OPLAH: variants seen among roughly 807,000 people sequenced by gnomAD.
OPLAH encodes 5-oxoprolinase, ATP-hydrolysing.
In OPLAH, 103 loss-of-function variants were observed where a neutral mutation model predicts 122.8. That is an observed-to-expected ratio of 0.84 (90% CI 0.71 to 0.99). OPLAH has a LOEUF of 0.99. OPLAH is among the 50% of genes least tolerant of loss of function. OPLAH has a pLI of 0.00. For missense variants in OPLAH, 1,902 were observed against 1,836.5 expected, an observed-to-expected ratio of 1.04 and a Z score of -0.65; for synonymous variants, 875 against 796.0, an observed-to-expected ratio of 1.10 and a Z score of -1.67.
chr8:144,051,086 C>A, downstream of OPLAH: 1 of 1,360,524 alleles, frequency 7.4e-7, no homozygotes, highest in Non-Finnish European at 9.4e-7. Context: ...GGCACTGGGA[C>A]GACCCTCAAC....
Position 144,057,012 on chromosome 8 carries a change from C to T in OPLAH, c.1642G>A (p.Asp548Asn). The T allele has an allele frequency of 6.3e-7, 1 of 1,594,604 alleles. No individual in the cohort carries two copies. The highest frequency in any genetic ancestry group is 8.5e-7 in the Non-Finnish European group (1 of 1,171,998). ...LYAPETFVQL[D>N]QRLSRLEEQC... ...TCCTCCAGGCGGCTCAGCCTCTGGT[C>T]CAGCTGCACGAAGGTCTCAGGCGCG... Residue 548 changes from aspartate to asparagine, a missense_variant, in exon 12 of 27, where the codon GAC (aspartate) becomes AAC (asparagine). Around this residue, in one of 3 missense-constraint regions of OPLAH, gnomAD observed 1,726 missense variants for 1,642.1 expected, o/e 1.05. Coordinates refer to ENST00000618853, the MANE Select transcript of OPLAH (RefSeq NM_017570.5).
chr8:144,054,895 C>G lies in OPLAH; in HGVS notation c.2428G>C (p.Asp810His), dbSNP rs1288181246. 6.2e-7 allele frequency: 1 copy of G among 1,606,854 alleles called. No homozygotes were observed. Among genetic ancestry groups the G allele is most frequent in the Non-Finnish European group, 8.5e-7 (1 of 1,177,056 alleles). The change falls in exon 18 of 27, where the codon GAT (aspartate) becomes CAT (histidine). Residue 810 changes from aspartate to histidine, a missense_variant. Physicochemically the swap from Asp to His is moderately conservative, Grantham distance 81 (BLOSUM62 -1). Transcript: ENST00000618853. ...VQFQIQHLGA[D>H]LHPGDVLLSN... ...AGTAGCACGTCGCCAGGGTGGAGATCGGCCCCCAGGTGCTGAATCTGAAAC... is the reference window on the plus strand; with the variant it reads ...AGTAGCACGTCGCCAGGGTGGAGATGGGCCCCCAGGTGCTGAATCTGAAAC...
Position 144,053,278 on chromosome 8 carries a change from G to T in OPLAH, c.2802C>A (p.Ile934=). Residue 934 remains isoleucine (I), a synonymous_variant, in exon 20 of 27, where the codon ATC becomes ATA. Transcript: ENST00000618853. ...GCCCAATGAGCTCCCCCACCAGCTGGATGCCCTTCTGGTTGGCTGCCACCT... is the reference window on the plus strand; with the variant it reads ...GCCCAATGAGCTCCCCCACCAGCTGTATGCCCTTCTGGTTGGCTGCCACCT... ...RAQVAANQKG[I]QLVGELIGQY... 1 of 1,613,076 alleles carries T rather than the reference G, an allele frequency of 6.2e-7. No homozygotes were observed. Among genetic ancestry groups the T allele is most frequent in the Non-Finnish European group, 8.5e-7 (1 of 1,179,826 alleles).
At chr8:144,062,893 A>G (rs1034569197), upstream of OPLAH, among the ~76,000 whole-genome samples, 12 of 141,010 alleles carry the variant, frequency 8.5e-5, no homozygotes, top group African/African-American at 3.2e-4. Flanking sequence ...CACCTCCCCC[A>G]CCTCCGCCTG....
rs781981293 is a variant in OPLAH at position 144,056,535 on chromosome 8, G to A, written c.1845-12C>T. The stretch of plus-strand genomic sequence containing the variant: ...ACTCCCTCATGTACCTGCACTCCCC[G>A]CGGGGACCCAAGGAGTGGTCAGAGT... On this transcript the variant is annotated splice_polypyrimidine_tract_variant and intron_variant, in intron 13 of 26. Coordinates refer to ENST00000618853, the MANE Select transcript of OPLAH (RefSeq NM_017570.5). 1.4e-5 allele frequency: 23 copies of A among 1,612,058 alleles called. No homozygotes were observed. Among genetic ancestry groups the A allele is most frequent in the South Asian group, 3.3e-5 (3 of 91,030 alleles).
At chr8:144,062,121 C>T (rs575068935), upstream of OPLAH, among the ~76,000 whole-genome samples, 2 of 152,088 alleles carry the variant, frequency 1.3e-5, no homozygotes, top group Non-Finnish European at 1.5e-5. Flanking sequence ...CGTGCTTTCA[C>T]TTTAGGCACT....
At chr8:144,052,709 G>A in intron 22 of OPLAH, 57 bp downstream of exon 22, 1 of 1,544,308 alleles carries the variant, frequency 6.5e-7, no homozygotes, top group Non-Finnish European at 8.7e-7. Flanking sequence ...GGCCCAGGAG[G>A]CGCACTCAGG....
At chr8:144,050,345 A>G, downstream of OPLAH, 1 of 965,704 alleles carries the variant, frequency 1.0e-6, no homozygotes, top group Non-Finnish European at 1.2e-6. Context: ...CCGCTGCTGG[A>G]CTGGGCCGAG....
In OPLAH at chr8:144,055,892, CCT is replaced by C. The variant is rs781791917; in HGVS notation, c.2142_2143del (p.Asp716HisfsTer34). 31 of 1,587,390 alleles carry C rather than the reference CCT, an allele frequency of 2.0e-5. 1 individual carries two copies. Among genetic ancestry groups the C allele is most frequent in the South Asian group, 5.7e-5 (5 of 87,152 alleles). ...GGCCCCCACGGAGATGCAGATGTCC[CCT>C]GTCTTGGTCACCTCTGCCTGGCAAC... On this transcript the variant is annotated frameshift_variant, in exon 16 of 27. Transcript: ENST00000618853. LOFTEE classifies it high-confidence loss of function. This position sits in a 1 kb window ranked among gnomAD's most constrained non-coding sequence, Gnocchi z 6.5.
In OPLAH at chr8:144,058,685, G is replaced by T; in HGVS notation, c.594C>A (p.Ala198=). Residue 198 remains alanine, a synonymous_variant, in exon 6 of 27, where the codon GCC becomes GCA. Coordinates refer to ENST00000618853, the MANE Select transcript of OPLAH (RefSeq NM_017570.5). ...AVVLMHSYTW[A]QHEQQVGVLA... is the part of the protein sequence containing the mutation. ...GCACACCCACCTGCTGCTCATGCTG[G>T]GCCCACCTATGACAAAAACCCAGTG... 6.3e-7 allele frequency: 1 copy of T among 1,588,450 alleles called. No individual in the cohort carries two copies. The highest frequency in any genetic ancestry group is 8.6e-7 in the Non-Finnish European group (1 of 1,168,478).
Position 144,055,957 on chromosome 8 carries a change from C to T in OPLAH, c.2097-18G>A. The T allele has an allele frequency of 1.3e-6, 2 of 1,551,230 alleles. No homozygotes were observed. Among genetic ancestry groups the T allele is most frequent in the Non-Finnish European group, 1.7e-6 (2 of 1,145,220 alleles). ...GGATGGTGCTGGGGAGCAGAGGGCACAGAGGGCTGCATGGGGCCAGGCGAC... is the reference window on the plus strand; with the variant it reads ...GGATGGTGCTGGGGAGCAGAGGGCATAGAGGGCTGCATGGGGCCAGGCGAC... On this transcript the variant is annotated intron_variant, in intron 15 of 26. Coordinates refer to ENST00000618853, the MANE Select transcript of OPLAH (RefSeq NM_017570.5). This position sits in a 1 kb window ranked among gnomAD's most constrained non-coding sequence, Gnocchi z 6.5.
At position 144,054,737 on chromosome 8, in the gene OPLAH, T is replaced by G; in HGVS notation, c.2512-2A>C. 6.2e-7 allele frequency: 1 copy of G among 1,611,944 alleles called. No homozygotes were observed. Among genetic ancestry groups the G allele is most frequent in the Non-Finnish European group, 8.5e-7 (1 of 1,179,750 alleles). On this transcript the variant is annotated splice_acceptor_variant, in intron 18 of 26. Coordinates refer to ENST00000618853, the MANE Select transcript of OPLAH (RefSeq NM_017570.5). LOFTEE classifies it high-confidence loss of function. ...CCGCGTCTGACCCGGCCAAAACACC[T>G]AGCGGGTGGAGAGCCACGGTCAGCT... is the stretch of plus-strand genomic sequence containing the variant.
At position 144,054,894 on chromosome 8, in the gene OPLAH, T is replaced by A. The variant is rs781932257; in HGVS notation, c.2429A>T (p.Asp810Val). ...CAGTAGCACGTCGCCAGGGTGGAGA[T>A]CGGCCCCCAGGTGCTGAATCTGAAA... ...VQFQIQHLGA[D>V]LHPGDVLLSN... The change falls in exon 18 of 27, where the codon GAT becomes GTT. Residue 810 changes from aspartate to valine, a missense_variant. By Grantham distance (152) the Asp-to-Val change is radical (BLOSUM62 -3). This residue lies in a region of OPLAH where 1,726 missense variants were observed against 1,642.1 expected (regional missense o/e 1.05). Transcript: ENST00000618853. The A allele has an allele frequency of 5.6e-6, 9 of 1,599,890 alleles. No individual in the cohort carries two copies. In the Admixed American group the frequency reaches 1.5e-4, roughly 27 times the overall value.
Position 144,055,137 on chromosome 8 carries a change from C to T in OPLAH, c.2301G>A (p.Glu767=), listed in dbSNP as rs1554758683. 1.9e-6 allele frequency: 3 copies of T among 1,583,202 alleles called. No individual in the cohort carries two copies. The East Asian group carries it at 6.7e-5, about 35-fold the overall frequency. The change falls in exon 17 of 27, where the codon GAG becomes GAA. Residue 767 remains glutamate (E), a synonymous_variant. Coordinates refer to ENST00000618853, the MANE Select transcript of OPLAH (RefSeq NM_017570.5). This position sits in a 1 kb window ranked among gnomAD's most constrained non-coding sequence, Gnocchi z 6.5. ...QRTAISTNIK[E]RLDFSCALFG... ...AGAGGGCACAGGAGAAGTCCAGACG[C>T]TCCTTGATGTTGGTGGAGATGGCTG...
chr8:144,055,791 C>A lies in OPLAH; in HGVS notation c.2245G>T (p.Ala749Ser). ...GAGCCTGGCAGCGGCCACTCACCAG[C>A]AATGCTCATGAAGCGGTGTGAGAAG... ...SIFSHRFMSI[A>S]EQMGRILQRT... Residue 749 changes from alanine (A) to serine (S), a missense_variant, in exon 16 of 27, where the codon GCT becomes TCT. Ala to Ser is a moderately conservative substitution (Grantham distance 99). Transcript: ENST00000618853. The surrounding 1 kb of genome is among the most constrained non-coding windows in gnomAD (Gnocchi z 6.5). 6.5e-7 allele frequency: 1 copy of A among 1,529,616 alleles called. No individual in the cohort carries two copies. Among genetic ancestry groups the A allele is most frequent in the Non-Finnish European group, 8.8e-7 (1 of 1,134,634 alleles). The allele number at this position is 1,529,616 out of a possible 1,614,324, so 94.8% of individuals were successfully genotyped here. A position where few individuals can be genotyped will look rare whatever the true frequency, so the allele number is the denominator to read the frequency against.
rs782073859 is a variant in OPLAH at position 144,051,374 on chromosome 8, G to C, written c.3819C>G (p.Pro1273=). The change falls in exon 27 of 27, where the codon CCC becomes CCG. Residue 1273 remains proline (P), a synonymous_variant. Transcript: ENST00000618853. ...PGSPPQALAF[P]EHGSVYEYRR... is the part of the protein sequence containing the mutation. ...GATACTCATAGACGCTGCCGTGCTCGGGAAAGGCCAGTGCTTGCGGGGGCG... is the reference window on the plus strand; with the variant it reads ...GATACTCATAGACGCTGCCGTGCTCCGGAAAGGCCAGTGCTTGCGGGGGCG... 3.7e-6 allele frequency: 6 copies of C among 1,608,456 alleles called. No individual in the cohort carries two copies. In the Admixed American group the frequency reaches 1.0e-4, roughly 27 times the overall value.
rs1554758125 is a variant in OPLAH, at chr8:144,053,091, G to T, written c.2910C>A (p.Ala970=). The T allele has an allele frequency of 6.2e-7, 1 of 1,606,152 alleles. No individual in the cohort carries two copies. Residue 970 remains alanine, a synonymous_variant, in exon 21 of 27, where the codon GCC becomes GCA. Coordinates refer to ENST00000618853, the MANE Select transcript of OPLAH (RefSeq NM_017570.5). ...AELAVRDMLR[A]FGTSRQARGL... Reference sequence around the variant, plus strand: ...CCCGGGCCTGCCGGGAGGTTCCAAAGGCACGCAACATGTCTCGCACGGCCA... The same window carrying T: ...CCCGGGCCTGCCGGGAGGTTCCAAATGCACGCAACATGTCTCGCACGGCCA...
chr8:144,052,666 CG>C (rs1328856827), intron 22 of OPLAH, 68 bp from the exon 23 acceptor site: 56 of 1,531,350 alleles, frequency 3.7e-5, no homozygotes, highest in Non-Finnish European at 4.6e-5. Context: ...CCCCACCCCC[CG>C]CCCCAGCACC....
rs1554758881 is a variant in OPLAH at position 144,055,884 on chromosome 8, A to G, written c.2152T>C (p.Cys718Arg). The change falls in exon 16 of 27, where the codon TGC becomes CGC. Residue 718 changes from cysteine to arginine, a missense_variant. Cys to Arg is a radical substitution (Grantham distance 180, BLOSUM62 -3). This residue lies in a region of OPLAH where 1,726 missense variants were observed against 1,642.1 expected (regional missense o/e 1.05). Transcript: ENST00000618853. This position sits in a 1 kb window ranked among gnomAD's most constrained non-coding sequence, Gnocchi z 6.5. The stretch of plus-strand genomic sequence containing the variant: ...GGGACTTCGGCCCCCACGGAGATGC[A>G]GATGTCCCCTGTCTTGGTCACCTCT... ...QAEVTKTGDI[C>R]ISVGAEVPGT... 5 of 1,586,100 alleles carry G rather than the reference A, an allele frequency of 3.2e-6. No homozygotes were observed. The highest frequency in any genetic ancestry group is 2.6e-6 in the Non-Finnish European group (3 of 1,166,604).
Sources: gnomAD v4.1 joint callset for allele counts (sites outside exome capture counted in the v4.1 genomes callset) on GRCh38, gnomAD v4.1.1 for gene constraint, gnomAD v4.1.1 regional missense constraint, Gnocchi (gnomAD v3.1) non-coding constraint, MANE v1.5 for transcripts, NCBI Gene and HGNC (gene_info 2026-07-23, HGNC 2026-07-21) for gene names.